The following PTCD3 variants were observed in gnomAD, a reference collection of about 807,000 sequenced individuals.
The protein encoded by PTCD3 is pentatricopeptide repeat domain 3.
PTCD3 carries 89 observed loss-of-function variants against 101.9 expected under a neutral mutation model. The ratio of observed to expected loss-of-function variants is 0.87; its 90% CI spans 0.74 to 1.04. The LOEUF is 1.04. Ranked by LOEUF, PTCD3 falls within the 50% of genes least tolerant of loss-of-function variation. The probability of loss-of-function intolerance (pLI) is 0.00; values close to 1 mark genes in which losing one functional copy is unlikely to be tolerated. For missense variants in PTCD3, 870 were observed against 828.2 expected (o/e 1.05, Z -0.62); for synonymous variants, 296 against 278.5 (o/e 1.06, Z -0.63).
Position 86,134,292 on chromosome 2 carries a change from A to G in PTCD3, c.1544A>G (p.Asp515Gly). 6.2e-7 allele frequency: 1 copy of G among 1,603,086 alleles called. No homozygotes were observed. Among genetic ancestry groups the G allele is most frequent in the East Asian group, 2.2e-5 (1 of 44,820 alleles). Residue 515 changes from aspartate to glycine, a missense_variant and splice_region_variant, in exon 20 of 24, where the codon GAT becomes GGT. By Grantham distance (94) the Asp-to-Gly change is moderately conservative (BLOSUM62 -1). Transcript: ENST00000254630. Reference sequence around the variant, plus strand: ...CTCCTTGTTCCTTTCTTGTTTCAAGATAGTAAAGAATATGGTCATACTTTC... The same window carrying G: ...CTCCTTGTTCCTTTCTTGTTTCAAGGTAGTAAAGAATATGGTCATACTTTC... ...RLEVIPKIWK[D>G]SKEYGHTFRS...
chr2:86,116,653 A>C, intron 5 of PTCD3, 55 bp downstream of exon 5: 1 of 1,304,730 alleles, frequency 7.7e-7, no homozygotes, highest in Non-Finnish European at 1.1e-6. Flanking sequence ...TGCGTACAAC[A>C]GTACATAAAT....
chr2:86,135,046 T>A (rs1274979580), intron 21 of PTCD3, 59 bp downstream of exon 21: 1 of 1,516,530 alleles, frequency 6.6e-7, no homozygotes, highest in South Asian at 1.2e-5. Context: ...TCTAAAACAT[T>A]GGCCCACGCT....
rs1674541792 is a variant in PTCD3, at chr2:86,134,298, A to G, written c.1550A>G (p.Lys517Arg). Reference protein sequence around the residue: ...EVIPKIWKDSKEYGHTFRSDL... With the variant: ...EVIPKIWKDSREYGHTFRSDL... ...GTTCCTTTCTTGTTTCAAGATAGTA[A>G]AGAATATGGTCATACTTTCCGCAGT... The change falls in exon 20 of 24, where the codon AAA becomes AGA. Residue 517 changes from lysine (K) to arginine (R), a missense_variant. Coordinates refer to ENST00000254630, the MANE Select transcript of PTCD3 (RefSeq NM_017952.6). 3 of 1,608,402 alleles carry G rather than the reference A, an allele frequency of 1.9e-6. No individual in the cohort carries two copies. The highest frequency in any genetic ancestry group is 1.6e-4 in the Middle Eastern group (1 of 6,068).
At chr2:86,134,470 C>G (rs1303735531) in intron 20 of PTCD3, 93 bp downstream of exon 20, 1 of 1,036,104 alleles carries the variant, frequency 9.7e-7, no homozygotes, top group Non-Finnish European at 1.5e-6. Context: ...TTGGAGAGTT[C>G]TGCTACCCAA....
Position 86,133,206 on chromosome 2 carries a change from A to G in PTCD3, c.1402A>G (p.Met468Val). ...YSKFFDLICL[M>V]EQIDVTLKWY... ...CAAGTTCTTCGATTTGATTTGTCTA[A>G]TGGAACAAATTGATGTTACCTTGAA... The change falls in exon 18 of 24, where the codon ATG becomes GTG. Residue 468 changes from methionine to valine, a missense_variant. Coordinates refer to ENST00000254630, the MANE Select transcript of PTCD3 (RefSeq NM_017952.6). The G allele has an allele frequency of 1.2e-6, 2 of 1,614,114 alleles. No individual in the cohort carries two copies. Among genetic ancestry groups the G allele is most frequent in the African/African-American group, 1.3e-5 (1 of 75,044 alleles).
chr2:86,109,177 G>A (rs1050751013), intron 3 of PTCD3, among the ~76,000 whole-genome samples: 8 of 152,154 alleles, frequency 5.3e-5, no homozygotes, highest in Admixed American at 6.5e-5. Context: ...AGGCCGAGGC[G>A]GGCGGATGAT....
rs1447974708 is a variant in PTCD3, at chr2:86,141,360, A to G, written c.*3801A>G. 2 of 152,314 alleles carry G rather than the reference A, an allele frequency of 1.3e-5. No individual in the cohort carries two copies. The highest frequency in any genetic ancestry group is 1.3e-4 in the Admixed American group (2 of 15,288). 9.4% of individuals were successfully genotyped at this position (152,314 alleles called of 1,614,324 possible). ...GGTGTAGTGACCACTGGACCTGATG[A>G]AGCGAATCTGCCTGAAATTTAATAC... On this transcript the variant is annotated 3_prime_UTR_variant, in exon 24 of 24. Coordinates refer to ENST00000254630, the MANE Select transcript of PTCD3 (RefSeq NM_017952.6).
intron 14 of PTCD3, 27 bp downstream of exon 14, chr2:86,128,018 T>G: frequency 6.5e-7 from 1 of 1,545,096 alleles, no homozygotes; most frequent in South Asian, 1.1e-5. Flanking sequence ...ATTGTGTTAA[T>G]TTATATAGAA....
intron 11 of PTCD3, 114 bp from the exon 12 acceptor site, chr2:86,125,681 T>C (rs1300957569): frequency 6.6e-6 from 7 of 1,055,500 alleles, no homozygotes; most frequent in African/African-American, 1.6e-5. Context: ...AGTTTTCCAG[T>C]TTTGTGGACA....
At chr2:86,111,270 C>A in intron 4 of PTCD3, 112 bp downstream of exon 4, 1 of 1,019,432 alleles carries the variant, frequency 9.8e-7, no homozygotes, top group Non-Finnish European at 1.5e-6. Context: ...CAGAATTAAA[C>A]TGTTGTGCGT....
At chr2:86,121,285 T>C (rs1300352818) in intron 7 of PTCD3, among the ~76,000 whole-genome samples, 194 bp from the exon 8 acceptor site, 1 of 152,158 alleles carries the variant, frequency 6.6e-6, no homozygotes, top group African/African-American at 2.4e-5. Flanking sequence ...AATTACATGG[T>C]TAATAGGGGT....
chr2:86,120,435 A>G (rs1375437685), intron 7 of PTCD3, among the ~76,000 whole-genome samples: 1 of 151,126 alleles, frequency 6.6e-6, no homozygotes, highest in Non-Finnish European at 1.5e-5. Flanking sequence ...TTTTATAATA[A>G]TCTTATGAAG....
chr2:86,108,561 C>A, intron 3 of PTCD3, 25 bp downstream of exon 3: 1 of 1,579,430 alleles, frequency 6.3e-7, no homozygotes, highest in African/African-American at 1.4e-5. Context: ...AGTGTTCATT[C>A]AGCAAATGGT....
chr2:86,123,791 T>A, intron 9 of PTCD3, 29 bp downstream of exon 9: 1 of 1,430,502 alleles, frequency 7.0e-7, no homozygotes, highest in South Asian at 1.3e-5. Flanking sequence ...GAACCTTGAA[T>A]TACAGTGTCT....
At chr2:86,136,938 C>T in intron 22 of PTCD3, 44 bp from the exon 23 acceptor site, 1 of 1,608,736 alleles carries the variant, frequency 6.2e-7, no homozygotes, top group Non-Finnish European at 8.5e-7. Flanking sequence ...AAATGTTTTA[C>T]TGAAGGGGCT....
intron 16 of PTCD3, 146 bp from the exon 17 acceptor site, chr2:86,132,172 C>T: frequency 1.9e-6 from 1 of 533,954 alleles, no homozygotes; most frequent in Non-Finnish European, 3.3e-6. Flanking sequence ...ATTTGTCTCC[C>T]CCCCATTTCT....
chr2:86,112,642 A>G (rs540610186), intron 4 of PTCD3, among the ~76,000 whole-genome samples: 810 of 144,286 alleles, frequency 5.6e-3, no homozygotes, highest in Non-Finnish European at 9.3e-3. Context: ...AGGTCCTGCC[A>G]CTGCATTCCA....
Position 86,119,329 on chromosome 2 carries a change from G to T in PTCD3, c.538+285G>T, listed in dbSNP as rs112686250. The stretch of plus-strand genomic sequence containing the variant: ...TCTGTTTTTAATGTTAGGTAGGTAT[G>T]CAGTGCTCCCAGATTTCCTGTACCC... On this transcript the variant is annotated intron_variant, in intron 7 of 23. Transcript: ENST00000254630. 4.5e-4 allele frequency: 166 copies of T among 372,394 alleles called. 2 individuals carry two copies. The highest frequency in any genetic ancestry group is 3.0e-3 in the African/African-American group (137 of 46,324). 23.1% of individuals were successfully genotyped at this position (372,394 alleles called of 1,614,324 possible).
chr2:86,125,320 C>T, intron 10 of PTCD3, 135 bp from the exon 11 acceptor site: 2 of 1,105,286 alleles, frequency 1.8e-6, no homozygotes, highest in Non-Finnish European at 2.7e-6. Context: ...AATCCCACTG[C>T]ACTAGAGTAT....
Sources: gnomAD v4.1 joint callset for allele counts (sites outside exome capture counted in the v4.1 genomes callset) on GRCh38, gnomAD v4.1.1 for gene constraint, MANE v1.5 for transcripts, NCBI Gene and HGNC (gene_info 2026-07-23, HGNC 2026-07-21) for gene names.